Variants in DOCK9 observed in about 807,000 individuals in gnomAD.
DOCK9 encodes the protein dedicator of cytokinesis 9.
DOCK9 carries 89 observed loss-of-function variants against 263.3 expected under a neutral mutation model. The observed-to-expected ratio is 0.34, with a 90% CI of 0.28 to 0.40. The LOEUF (loss-of-function observed/expected upper bound fraction) is 0.40. Among genes scored for constraint, DOCK9 ranks in the 10% least tolerant of loss-of-function variants. The pLI is 1.00. For missense variants in DOCK9, 2,140 were observed against 2,603.4 expected (o/e 0.82, Z 3.87); for synonymous variants, 976 against 973.1 (o/e 1.00, Z -0.06).
In DOCK9 at chr13:98,846,067, CAT is replaced by C. The variant is rs750780356; in HGVS notation, c.4062-9_4062-8del. On this transcript the variant is annotated splice_polypyrimidine_tract_variant and splice_region_variant and intron_variant, in intron 37 of 52. Coordinates refer to ENST00000682017, the MANE Select transcript of DOCK9 (RefSeq NM_001366683.2). ...TCCCAACCCCTCCTGGTTCCTGCAA[CAT>C]GAGTGAAATGGGATAGAAGCAAAAG... 3.8e-5 allele frequency: 59 copies of C among 1,564,330 alleles called. No individual in the cohort carries two copies. The Middle Eastern group carries it at 5.0e-4, about 13-fold the overall frequency.
chr13:98,941,125 A>G (rs2055767190), intron 2 of DOCK9, among the ~76,000 whole-genome samples: 1 of 152,184 alleles, frequency 6.6e-6, no homozygotes, highest in Non-Finnish European at 1.5e-5. Context: ...GACTGGTCTC[A>G]GGAACACGTA....
chr13:99,038,448 G>C (rs923735736), intron 1 of DOCK9, among the ~76,000 whole-genome samples: 1 of 151,542 alleles, frequency 6.6e-6, no homozygotes, highest in Admixed American at 6.6e-5. Flanking sequence ...GGGATTACAG[G>C]CACCCACCAC....
chr13:98,929,072 G>C (rs1417408165), intron 3 of DOCK9, among the ~76,000 whole-genome samples: 1 of 151,712 alleles, frequency 6.6e-6, no homozygotes, highest in Non-Finnish European at 1.5e-5. Flanking sequence ...GCATATTTAT[G>C]ATCTAAATAT....
chr13:99,067,326 C>T (rs2041465828), intron 1 of DOCK9, among the ~76,000 whole-genome samples: 1 of 152,226 alleles, frequency 6.6e-6, no homozygotes, highest in South Asian at 2.1e-4. Flanking sequence ...AACAGCACTG[C>T]ATTTTTCTCT....
intron 32 of DOCK9, among the ~76,000 whole-genome samples, chr13:98,861,232 ACGCTATACACAC>A (rs1335735799): frequency 6.6e-6 from 1 of 152,190 alleles, no homozygotes. Flanking sequence ...ACATGCACAA[ACGCTATACACAC>A]GGCTCAGCTC....
chr13:98,960,460 T>C (rs923581771), intron 1 of DOCK9, among the ~76,000 whole-genome samples: 3 of 152,316 alleles, frequency 2.0e-5, no homozygotes, highest in African/African-American at 7.2e-5. Flanking sequence ...CCTTCAGCTT[T>C]CCCCGTCACG....
intron 38 of DOCK9, among the ~76,000 whole-genome samples, chr13:98,841,382 C>G (rs1427080168): frequency 6.6e-6 from 1 of 152,132 alleles, no homozygotes. Flanking sequence ...ATCTTAAAAT[C>G]CTCTGTAAGG....
chr13:98,804,782 C>T (rs1203064120), intron 49 of DOCK9, among the ~76,000 whole-genome samples: 1 of 152,196 alleles, frequency 6.6e-6, no homozygotes, highest in East Asian at 1.9e-4. Context: ...TGGATATGAG[C>T]TTCTGGTCTT....
At chr13:98,886,645 G>C in intron 18 of DOCK9, 21 bp from the exon 19 acceptor site, 1 of 1,599,514 alleles carries the variant, frequency 6.3e-7, no homozygotes, top group African/African-American at 1.3e-5. Flanking sequence ...AGTTACCAAA[G>C]GGAAACATCA....
chr13:99,006,777 C>A (rs923561616), intron 1 of DOCK9, among the ~76,000 whole-genome samples: 7 of 152,096 alleles, frequency 4.6e-5, no homozygotes, highest in African/African-American at 1.7e-4. Flanking sequence ...ATATAAAAGA[C>A]AACAAATGTT....
intron 49 of DOCK9, among the ~76,000 whole-genome samples, chr13:98,804,123 A>C (rs796608627): frequency 7.8e-4 from 118 of 152,228 alleles, no homozygotes; most frequent in African/African-American, 2.8e-3. Context: ...CAACAACCCC[A>C]ACTTCCGGGG....
chr13:99,014,364 T>G (rs192204230), intron 1 of DOCK9, among the ~76,000 whole-genome samples: 6 of 152,230 alleles, frequency 3.9e-5, no homozygotes, highest in Non-Finnish European at 8.8e-5. Flanking sequence ...ACAGTTAATA[T>G]AGCACCACTT....
At chr13:99,018,444 T>A (rs1885689746) in intron 1 of DOCK9, among the ~76,000 whole-genome samples, 1 of 152,244 alleles carries the variant, frequency 6.6e-6, no homozygotes, top group Non-Finnish European at 1.5e-5. Flanking sequence ...GACGAATAAA[T>A]TTCTGTTCAT....
intron 3 of DOCK9, among the ~76,000 whole-genome samples, chr13:98,927,997 G>A (rs1396665496): frequency 5.2e-5 from 6 of 116,244 alleles, no homozygotes; most frequent in Admixed American, 3.0e-4. Flanking sequence ...ATAAGGAATC[G>A]CACATACAAA....
chr13:99,028,187 G>A (rs1008551538), intron 1 of DOCK9, among the ~76,000 whole-genome samples: 1 of 152,202 alleles, frequency 6.6e-6, no homozygotes, highest in African/African-American at 2.4e-5. Context: ...ACTGGAAGGT[G>A]AGACTGCCAC....
intron 1 of DOCK9, among the ~76,000 whole-genome samples, chr13:99,085,212 A>G (rs1297317676): frequency 6.6e-6 from 1 of 151,862 alleles, no homozygotes; most frequent in Non-Finnish European, 1.5e-5. Context: ...TGCCCCGACA[A>G]TCCCCCACAG....
chr13:99,026,214 T>A (rs911973727), intron 1 of DOCK9, among the ~76,000 whole-genome samples: 1 of 152,188 alleles, frequency 6.6e-6, no homozygotes, highest in East Asian at 1.9e-4. Context: ...TGGTGATGGA[T>A]GCACAACTCT....
rs71114557 is a variant in DOCK9 at position 98,894,957 on chromosome 13, CAAAAAAAAAAAAAAA to C, written c.1709+2516_1709+2530del. Among the ~76,000 whole-genome samples, 560 of 73,418 alleles carry C rather than the reference CAAAAAAAAAAAAAAA, an allele frequency of 7.6e-3. 9 individuals carry two copies. The highest frequency in any genetic ancestry group is 0.027 in the African/African-American group (530 of 19,746). The allele number at this position is 73,418 out of a possible 152,430, so 48.2% of individuals were successfully genotyped here. On this transcript the variant is annotated intron_variant, in intron 15 of 52. Transcript: ENST00000682017. ...GATATTTAGTATCTCTACTAAAATA[CAAAAAAAAAAAAAAA>C]AAAAAAAAAAAATTAGCGGGGCGTG...
At chr13:99,075,459 C>A (rs183217971) in intron 1 of DOCK9, among the ~76,000 whole-genome samples, 118 of 149,574 alleles carry the variant, frequency 7.9e-4, no homozygotes, top group Admixed American at 1.3e-3. Flanking sequence ...CTTAAGCAAT[C>A]CTGCCATCTC....
Sources: gnomAD v4.1 joint callset for allele counts (sites outside exome capture counted in the v4.1 genomes callset) on GRCh38, gnomAD v4.1.1 for gene constraint, MANE v1.5 for transcripts, NCBI Gene and HGNC (gene_info 2026-07-23, HGNC 2026-07-21) for gene names.